Variants in CDH22 observed in about 807,000 individuals in gnomAD.
CDH22 encodes the protein cadherin 22, also known as cadherin-22.
In CDH22, 30 loss-of-function variants were observed where a neutral mutation model predicts 58.4. The ratio of observed to expected loss-of-function variants is 0.51; its 90% CI spans 0.38 to 0.70. The LOEUF is 0.70. Among genes scored for constraint, CDH22 ranks in the 30% least tolerant of loss-of-function variants. The probability of loss-of-function intolerance (pLI) is 0.00; values close to 1 mark genes in which losing one functional copy is unlikely to be tolerated. For synonymous variants in CDH22, 513 were observed against 558.2 expected, an observed-to-expected ratio of 0.92 and a Z score of 1.14; for missense variants, 1,014 against 1,233.9, an observed-to-expected ratio of 0.82 and a Z score of 2.67.
At chr20:46,175,158 G>T (rs2085729713) in intron 11 of CDH22, 81 bp from the exon 12 acceptor site, 12 of 1,365,828 alleles carry the variant, frequency 8.8e-6, no homozygotes, top group Non-Finnish European at 1.2e-5. Context: ...ATCTCCTCCC[G>T]CCTCCCACCC....
At chr20:46,306,736 C>T (rs563506077) in intron 1 of CDH22, among the ~76,000 whole-genome samples, 4 of 151,890 alleles carry the variant, frequency 2.6e-5, no homozygotes, top group South Asian at 2.1e-4. Flanking sequence ...TTGGGGGGGA[C>T]GAGGAAATGG....
chr20:46,224,928 A>G (rs2086160147), intron 4 of CDH22, among the ~76,000 whole-genome samples: 1 of 152,194 alleles, frequency 6.6e-6, no homozygotes. Flanking sequence ...GGTTTTTGCC[A>G]TTTGGGACTC....
At chr20:46,233,330 A>T (rs2086232289) in intron 3 of CDH22, among the ~76,000 whole-genome samples, 1 of 151,646 alleles carries the variant, frequency 6.6e-6, no homozygotes, top group African/African-American at 2.4e-5. Context: ...TGGATCTGCT[A>T]TGTCCTCCTG....
At chr20:46,260,156 A>G (rs1195463537) in intron 1 of CDH22, among the ~76,000 whole-genome samples, 4 of 152,182 alleles carry the variant, frequency 2.6e-5, no homozygotes, top group East Asian at 1.9e-4. Flanking sequence ...AATTTTTATT[A>G]TTCTTAAAAA....
intron 2 of CDH22, among the ~76,000 whole-genome samples, chr20:46,246,364 C>T (rs1229511779): frequency 2.0e-5 from 3 of 152,222 alleles, no homozygotes; most frequent in African/African-American, 7.2e-5. Context: ...TGCCGTATAT[C>T]TAAAATAGAT....
chr20:46,175,168 C>A (rs73908635), intron 11 of CDH22, 91 bp from the exon 12 acceptor site: 2 of 1,276,510 alleles, frequency 1.6e-6, no homozygotes, highest in Non-Finnish European at 2.1e-6. Flanking sequence ...GCCTCCCACC[C>A]AGCAGAGCGG....
intron 2 of CDH22, among the ~76,000 whole-genome samples, chr20:46,244,562 A>C (rs145781402): frequency 2.0e-5 from 3 of 152,168 alleles, no homozygotes; most frequent in African/African-American, 2.4e-5. Flanking sequence ...CAGAAATCCA[A>C]CTTGACTTTG....
At chr20:46,282,581 A>G (rs542078564) in intron 1 of CDH22, among the ~76,000 whole-genome samples, 2 of 152,196 alleles carry the variant, frequency 1.3e-5, no homozygotes, top group South Asian at 4.1e-4. Flanking sequence ...AAAACACCAA[A>G]TGCAATTCTT....
Position 46,188,413 on chromosome 20 carries a change from G to C in CDH22, c.1424-1466C>G, listed in dbSNP as rs73622655. Among the ~76,000 whole-genome samples the C allele has an allele frequency of 6.9e-3, 1,056 of 152,178 alleles. 40 individuals are homozygous for C. Among genetic ancestry groups the C allele is most frequent in the Admixed American group, 0.061 (930 of 15,288 alleles). ...TCTAATATTGACCCAATTATGCCTA[G>C]CGTTCCATTATTGGAACGCTAAGCA... is the stretch of plus-strand genomic sequence containing the variant. On this transcript the variant is annotated intron_variant, in intron 8 of 11. Coordinates refer to ENST00000537909, the MANE Select transcript of CDH22 (RefSeq NM_021248.3).
intron 1 of CDH22, among the ~76,000 whole-genome samples, chr20:46,252,950 G>C (rs1275134480): frequency 6.6e-6 from 1 of 152,208 alleles, no homozygotes; most frequent in African/African-American, 2.4e-5. Flanking sequence ...TGAGCAGATG[G>C]GAAGAAAGGG....
intron 8 of CDH22, among the ~76,000 whole-genome samples, chr20:46,188,845 GA>G (rs1157624931): frequency 6.6e-6 from 1 of 152,002 alleles, no homozygotes; most frequent in Non-Finnish European, 1.5e-5. Flanking sequence ...GTGACCTCAG[GA>G]ACATCTCCTG....
chr20:46,262,440 C>T (rs1019400524), intron 1 of CDH22, among the ~76,000 whole-genome samples: 12 of 152,124 alleles, frequency 7.9e-5, no homozygotes, highest in Admixed American at 3.9e-4. Context: ...AACATGCTGC[C>T]GCACAGGTCT....
rs187993701 is a variant in CDH22, at chr20:46,210,950, G to A, written c.1033-390C>T. 1.7e-4 allele frequency among the ~76,000 whole-genome samples: 26 copies of A among 152,318 alleles called. No individual in the cohort carries two copies. In the East Asian group the frequency reaches 4.8e-3, roughly 28 times the overall value. ...AACCCTAAGAGGCTTGTATTCTTAT[G>A]ATCTGATCTTACACATGAGGAAAAC... On this transcript the variant is annotated intron_variant, in intron 6 of 11. Coordinates refer to ENST00000537909, the MANE Select transcript of CDH22 (RefSeq NM_021248.3). The surrounding 1 kb of genome is among the most constrained non-coding windows in gnomAD (Gnocchi z 4.5).
At chr20:46,281,200 G>A (rs1191890087) in intron 1 of CDH22, among the ~76,000 whole-genome samples, 2 of 152,210 alleles carry the variant, frequency 1.3e-5, no homozygotes, top group East Asian at 3.9e-4. Context: ...TCTGTGTGGA[G>A]GGTGGCTTTG....
At chr20:46,235,478 G>A (rs530531210) in intron 3 of CDH22, among the ~76,000 whole-genome samples, 2 of 152,308 alleles carry the variant, frequency 1.3e-5, no homozygotes, top group African/African-American at 2.4e-5. Flanking sequence ...TAGACTCATA[G>A]ATCCAACTGT....
chr20:46,242,363 C>T (rs1041035388), intron 2 of CDH22, among the ~76,000 whole-genome samples: 1 of 152,188 alleles, frequency 6.6e-6, no homozygotes, highest in Non-Finnish European at 1.5e-5. Context: ...ACAGTGCAGC[C>T]TGGCCCAGCC....
At chr20:46,246,972 A>C (rs998433326) in intron 2 of CDH22, among the ~76,000 whole-genome samples, 1 of 148,892 alleles carries the variant, frequency 6.7e-6, no homozygotes, top group Non-Finnish European at 1.5e-5. Context: ...CTCAGCTGGA[A>C]AGGGGACAGG....
At chr20:46,299,347 A>T (rs2145784069) in intron 1 of CDH22, among the ~76,000 whole-genome samples, 1 of 152,328 alleles carries the variant, frequency 6.6e-6, no homozygotes, top group South Asian at 2.1e-4. Flanking sequence ...AGCCTCCCCC[A>T]GTGCCTTCGA....
chr20:46,296,099 T>C (rs1278617318), intron 1 of CDH22, among the ~76,000 whole-genome samples: 1 of 152,090 alleles, frequency 6.6e-6, no homozygotes, highest in East Asian at 1.9e-4. Flanking sequence ...GCCTCCCAGG[T>C]GCTTGTCCTG....
Sources: allele counts gnomAD v4.1 joint callset (sites outside exome capture counted in the v4.1 genomes callset), GRCh38; gene constraint gnomAD v4.1.1; non-coding constraint Gnocchi (gnomAD v3.1); transcripts MANE v1.5; gene names NCBI Gene and HGNC (gene_info 2026-07-23, HGNC 2026-07-21).